SH3GL2: variants seen among roughly 807,000 people sequenced by gnomAD.
The protein encoded by SH3GL2 is endophilin-A1.
SH3GL2 carries 24 observed loss-of-function variants against 46.0 expected under a neutral mutation model. The observed-to-expected ratio is 0.52, with a 90% CI of 0.38 to 0.73. The LOEUF is 0.73. Ranked by LOEUF, SH3GL2 falls within the 30% of genes least tolerant of loss-of-function variation. The pLI, the probability that SH3GL2 is intolerant of heterozygous loss-of-function variation, is 0.00. For synonymous variants in SH3GL2, 196 were observed against 147.1 expected, an observed-to-expected ratio of 1.33 and a Z score of -2.40; for missense variants, 413 against 424.2, an observed-to-expected ratio of 0.97 and a Z score of 0.23.
chr9:17,693,393 A>T (rs1230608722), intron 1 of SH3GL2, among the ~76,000 whole-genome samples: 2 of 152,180 alleles, frequency 1.3e-5, no homozygotes, highest in African/African-American at 4.8e-5. Context: ...AACAAAGATG[A>T]ACTAAATATC....
intron 1 of SH3GL2, among the ~76,000 whole-genome samples, chr9:17,585,992 A>G (rs1818370356): frequency 6.6e-6 from 1 of 152,224 alleles, no homozygotes; most frequent in Admixed American, 6.5e-5. Flanking sequence ...ATGGTATCCG[A>G]TGGATAATAA....
In SH3GL2 at chr9:17,796,765, A is replaced by G. The variant is rs533099312; in HGVS notation, c.*1022A>G. The stretch of plus-strand genomic sequence containing the variant: ...TCTGCCCTCAATGAGGACCAAATAA[A>G]GATGATTTTTGTGCTTAGCAGTTTA... On this transcript the variant is annotated 3_prime_UTR_variant, in exon 9 of 9. Transcript: ENST00000380607. The G allele has an allele frequency of 3.3e-5, 5 of 152,772 alleles. No individual in the cohort carries two copies. The highest frequency in any genetic ancestry group is 9.6e-5 in the African/African-American group (4 of 41,590). The allele number at this position is 152,772 out of a possible 1,614,324, so 9.5% of individuals were successfully genotyped here.
intron 1 of SH3GL2, among the ~76,000 whole-genome samples, chr9:17,592,336 C>A (rs1385404795): frequency 6.6e-6 from 1 of 152,176 alleles, no homozygotes; most frequent in African/African-American, 2.4e-5. Context: ...TCTGGAAACA[C>A]CCTGGCAGAC....
At chr9:17,769,011 C>T (rs1823397485) in intron 3 of SH3GL2, among the ~76,000 whole-genome samples, 1 of 152,200 alleles carries the variant, frequency 6.6e-6, no homozygotes, top group South Asian at 2.1e-4. Context: ...CACTATTGTT[C>T]ATGGGGCCTG....
chr9:17,593,500 G>GTA (rs1818520853), intron 1 of SH3GL2, among the ~76,000 whole-genome samples: 1 of 152,108 alleles, frequency 6.6e-6, no homozygotes, highest in African/African-American at 2.4e-5. Flanking sequence ...GTATTTTGAG[G>GTA]TATATATATA....
intron 1 of SH3GL2, among the ~76,000 whole-genome samples, chr9:17,690,585 C>G (rs570346096): frequency 9.2e-5 from 14 of 152,192 alleles, no homozygotes; most frequent in Non-Finnish European, 1.6e-4. Context: ...GCCAGCTAAG[C>G]CCAAGACAGG....
intron 3 of SH3GL2, among the ~76,000 whole-genome samples, chr9:17,776,483 A>G (rs372585491): frequency 1.4e-3 from 216 of 152,232 alleles, no homozygotes; most frequent in African/African-American, 4.9e-3. Context: ...CACAACCTCA[A>G]CAACCTCACA....
chr9:17,582,403 G>A (rs193016989), intron 1 of SH3GL2, among the ~76,000 whole-genome samples: 1 of 152,180 alleles, frequency 6.6e-6, no homozygotes, highest in East Asian at 1.9e-4. Context: ...ATCTTGTGTT[G>A]CTCTTTTAGT....
At chr9:17,723,230 G>A (rs1821939363) in intron 1 of SH3GL2, among the ~76,000 whole-genome samples, 1 of 151,912 alleles carries the variant, frequency 6.6e-6, no homozygotes, top group African/African-American at 2.4e-5. Flanking sequence ...TTATATTAGT[G>A]TGCATGGAGC....
Position 17,596,944 on chromosome 9 carries a change from G to A in SH3GL2, c.45+17657G>A, listed in dbSNP as rs3808773. 2.6e-3 allele frequency among the ~76,000 whole-genome samples: 394 copies of A among 152,182 alleles called. 11 individuals carry two copies. The East Asian group carries it at 0.069, about 27-fold the overall frequency. ...TTATGGATGGTCTGGCTTTCTCTGGGGCCTGCCACTCTTTGATGGCTTCAA... is the reference window on the plus strand; with the variant it reads ...TTATGGATGGTCTGGCTTTCTCTGGAGCCTGCCACTCTTTGATGGCTTCAA... On this transcript the variant is annotated intron_variant, in intron 1 of 8. Coordinates refer to ENST00000380607, the MANE Select transcript of SH3GL2 (RefSeq NM_003026.5).
chr9:17,692,038 A>C (rs539185623), intron 1 of SH3GL2, among the ~76,000 whole-genome samples: 1 of 152,258 alleles, frequency 6.6e-6, no homozygotes, highest in Admixed American at 6.5e-5. Context: ...GTGTGGCATG[A>C]CCTGTGTGCA....
chr9:17,681,755 A>T (rs1198669137), intron 1 of SH3GL2, among the ~76,000 whole-genome samples: 1 of 152,222 alleles, frequency 6.6e-6, no homozygotes, highest in African/African-American at 2.4e-5. Flanking sequence ...AACTACAGTC[A>T]GAGTGAATAG....
At chr9:17,745,397 C>T (rs187098403) in intron 1 of SH3GL2, among the ~76,000 whole-genome samples, 14 of 152,198 alleles carry the variant, frequency 9.2e-5, no homozygotes, top group Non-Finnish European at 1.9e-4. Flanking sequence ...TATTGTATAC[C>T]ATGTAGGTTC....
At chr9:17,687,794 G>C (rs182070658) in intron 1 of SH3GL2, among the ~76,000 whole-genome samples, 45 of 152,132 alleles carry the variant, frequency 3.0e-4, no homozygotes, top group African/African-American at 1.0e-3. Flanking sequence ...TGATGGATGT[G>C]AATCTCAAGG....
At chr9:17,679,217 T>G (rs1820698778) in intron 1 of SH3GL2, among the ~76,000 whole-genome samples, 1 of 152,200 alleles carries the variant, frequency 6.6e-6, no homozygotes, top group Admixed American at 6.5e-5. Context: ...ATAAATTACC[T>G]TGGGCAGTAT....
chr9:17,780,127 AT>A (rs1201295640), intron 3 of SH3GL2, among the ~76,000 whole-genome samples: 5 of 152,198 alleles, frequency 3.3e-5, no homozygotes, highest in African/African-American at 1.2e-4. Context: ...CAACACATAT[AT>A]CATAAGTATA....
chr9:17,717,376 C>T (rs1821788884), intron 1 of SH3GL2, among the ~76,000 whole-genome samples: 1 of 152,094 alleles, frequency 6.6e-6, no homozygotes, highest in Non-Finnish European at 1.5e-5. Context: ...ATTTGTCTAG[C>T]AAAGTCATAT....
At chr9:17,785,833 G>C (rs1375843430) in intron 3 of SH3GL2, among the ~76,000 whole-genome samples, 2 of 152,110 alleles carry the variant, frequency 1.3e-5, no homozygotes, top group Admixed American at 6.5e-5. Context: ...TCATGGGTCT[G>C]TTTACCATCA....
chr9:17,643,184 G>A (rs1819727728), intron 1 of SH3GL2, among the ~76,000 whole-genome samples: 1 of 152,032 alleles, frequency 6.6e-6, no homozygotes, highest in Admixed American at 6.6e-5. Flanking sequence ...ATTTGGCTCT[G>A]TATTTGTCTA....
Sources: gnomAD v4.1 joint callset for allele counts (sites outside exome capture counted in the v4.1 genomes callset) on GRCh38, gnomAD v4.1.1 for gene constraint, MANE v1.5 for transcripts, NCBI Gene and HGNC (gene_info 2026-07-23, HGNC 2026-07-21) for gene names.